USH2A: variants seen among roughly 807,000 people sequenced by gnomAD.
USH2A encodes the protein Usher syndrome 2A (autosomal recessive, mild).
USH2A carries 443 observed loss-of-function variants against 538.9 expected under a neutral mutation model. The observed-to-expected ratio is 0.82, with a 90% CI of 0.76 to 0.89. The LOEUF (loss-of-function observed/expected upper bound fraction) is 0.89. USH2A is among the 40% of genes least tolerant of loss of function. The pLI is 0.00. For missense variants in USH2A, 6,633 were observed against 6,324.8 expected (o/e 1.05, Z -1.65); for synonymous variants, 2,413 against 2,273.5 (o/e 1.06, Z -1.75).
intron 22 of USH2A, among the ~76,000 whole-genome samples, chr1:216,092,471 A>C (rs1452424882): frequency 2.6e-5 from 4 of 152,246 alleles, no homozygotes; most frequent in African/African-American, 9.6e-5. Flanking sequence ...CATATGAAAT[A>C]AACTTCTATA....
intron 34 of USH2A, among the ~76,000 whole-genome samples, chr1:215,997,074 T>C (rs1435339736): frequency 6.6e-6 from 1 of 152,154 alleles, no homozygotes; most frequent in Non-Finnish European, 1.5e-5. Flanking sequence ...AGTTATTATA[T>C]TGAAACTGTG....
At chr1:216,139,690 T>C (rs1162724869) in intron 21 of USH2A, among the ~76,000 whole-genome samples, 1 of 152,230 alleles carries the variant, frequency 6.6e-6, no homozygotes, top group African/African-American at 2.4e-5. Context: ...AGATTTTTGA[T>C]GATATGATCC....
intron 70 of USH2A, among the ~76,000 whole-genome samples, chr1:215,630,496 A>G (rs1021019782): frequency 1.9e-4 from 11 of 57,450 alleles, no homozygotes; most frequent in African/African-American, 2.6e-4. Flanking sequence ...ATATATATAT[A>G]TATATATATA....
At chr1:215,980,373 A>G (rs1356351255) in intron 35 of USH2A, among the ~76,000 whole-genome samples, 2 of 152,184 alleles carry the variant, frequency 1.3e-5, no homozygotes, top group East Asian at 3.9e-4. Context: ...TTCAGACTCT[A>G]CAGTGCATAC....
chr1:216,247,989 T>C (rs2036086236), intron 12 of USH2A, among the ~76,000 whole-genome samples: 1 of 152,264 alleles, frequency 6.6e-6, no homozygotes, highest in Non-Finnish European at 1.5e-5. Flanking sequence ...TATTTCTGAA[T>C]CCACACATTT....
intron 21 of USH2A, among the ~76,000 whole-genome samples, chr1:216,144,535 T>G (rs1384544212): frequency 1.3e-5 from 2 of 152,244 alleles, no homozygotes; most frequent in East Asian, 3.9e-4. Flanking sequence ...TATTGGAAAT[T>G]TATATATAAT....
chr1:215,929,292 T>TGAGAG (rs1464057651), intron 38 of USH2A, among the ~76,000 whole-genome samples: 6 of 152,074 alleles, frequency 3.9e-5, no homozygotes, highest in Non-Finnish European at 5.9e-5. Context: ...AGATGACCAA[T>TGAGAG]GAGAGCTTGA....
At position 215,674,617 on chromosome 1, in the gene USH2A, TA is replaced by T. The variant is rs1267110329; in HGVS notation, c.13293del (p.Ser4432ValfsTer29). 6.2e-7 allele frequency: 1 copy of T among 1,614,148 alleles called. No individual in the cohort carries two copies. On this transcript the variant is annotated frameshift_variant, in exon 63 of 72. Transcript: ENST00000307340. LOFTEE classifies it high-confidence loss of function. ...ATTGTCCAGGCAGATTTTGACACAC[TA>T]GCTGTGCAACCTCCATTCGTGCAGG... is the stretch of plus-strand genomic sequence containing the variant. Reference protein sequence around the residue: ...LVACTNGGCTASVSKSAWTME... With the variant: ...LVACTNGGCTXSVSKSAWTME...
At chr1:215,657,499 GTCTA>G (rs1657297977) in intron 64 of USH2A, among the ~76,000 whole-genome samples, 1 of 152,024 alleles carries the variant, frequency 6.6e-6, no homozygotes, top group South Asian at 2.1e-4. Context: ...TTATTTAACT[GTCTA>G]TCTATCTGAT....
At chr1:215,828,264 C>T (rs191591591) in intron 47 of USH2A, among the ~76,000 whole-genome samples, 376 of 152,038 alleles carry the variant, frequency 2.5e-3, no homozygotes, top group Non-Finnish European at 3.9e-3. Context: ...CCAGCCTGGG[C>T]GACACAGTGA....
Position 216,411,815 on chromosome 1 carries a change from A to G in USH2A, c.651+6699T>C, listed in dbSNP as rs73102524. Among the ~76,000 whole-genome samples the G allele has an allele frequency of 9.2e-3, 1,397 of 152,302 alleles. 20 individuals are homozygous for G. Among genetic ancestry groups the G allele is most frequent in the East Asian group, 0.038 (197 of 5,168 alleles). ...ACTTGATTTCAGCTTTCTAGCCTCC[A>G]GAACTCTTCAACAATGAATTAACTG... On this transcript the variant is annotated intron_variant, in intron 3 of 71. Coordinates refer to ENST00000307340, the MANE Select transcript of USH2A (RefSeq NM_206933.4).
In USH2A at chr1:215,674,951, A is replaced by T; in HGVS notation, c.12960T>A (p.Asp4320Glu). ...AGGTGGAAAAAGGAAGAAGCTCTTCATCAGTGTAATTGAAAGTCACAGGAT... is the reference window on the plus strand; with the variant it reads ...AGGTGGAAAAAGGAAGAAGCTCTTCTTCAGTGTAATTGAAAGTCACAGGAT... ...SFDPVTFNYT[D>E]EELLPFSTYS... Residue 4320 changes from aspartate to glutamate, a missense_variant, in exon 63 of 72, where the codon GAT becomes GAA. Physicochemically the swap from Asp to Glu is conservative, Grantham distance 45 (BLOSUM62 2). Transcript: ENST00000307340. 1 of 1,614,232 alleles carries T rather than the reference A, an allele frequency of 6.2e-7. No individual in the cohort carries two copies. The highest frequency in any genetic ancestry group is 8.5e-7 in the Non-Finnish European group (1 of 1,180,034).
rs191799764 is a variant in USH2A at position 216,416,740 on chromosome 1, T to C, written c.651+1774A>G. Among the ~76,000 whole-genome samples the C allele has an allele frequency of 2.9e-4, 44 of 152,280 alleles. No homozygotes were observed. In the East Asian group the frequency reaches 8.3e-3, roughly 29 times the overall value. Reference sequence around the variant, plus strand: ...CGCTCTGCATTTAGATTTTAAACTTTCTTTGTGAAGCTTTTAATGTACTAC... The same window carrying C: ...CGCTCTGCATTTAGATTTTAAACTTCCTTTGTGAAGCTTTTAATGTACTAC... On this transcript the variant is annotated intron_variant, in intron 3 of 71. Transcript: ENST00000307340.
At position 215,628,748 on chromosome 1, in the gene USH2A, G is replaced by A; in HGVS notation, c.15519+66C>T. The A allele has an allele frequency of 4.6e-6, 7 of 1,535,146 alleles. No individual in the cohort carries two copies. In the South Asian group the frequency reaches 7.9e-5, roughly 17 times the overall value. ...TGGGGCAGCATTCGGTGAAGTACAG[G>A]CAGCTCTGTACCAATATTTTTTCTG... On this transcript the variant is annotated intron_variant, in intron 71 of 71. Coordinates refer to ENST00000307340, the MANE Select transcript of USH2A (RefSeq NM_206933.4).
At chr1:215,794,888 G>T (rs1251611852) in intron 50 of USH2A, among the ~76,000 whole-genome samples, 1 of 152,180 alleles carries the variant, frequency 6.6e-6, no homozygotes, top group Non-Finnish European at 1.5e-5. Context: ...TATATTCCAT[G>T]CACTATTATT....
At chr1:216,130,316 C>T (rs955432484) in intron 21 of USH2A, among the ~76,000 whole-genome samples, 1 of 149,326 alleles carries the variant, frequency 6.7e-6, no homozygotes, top group African/African-American at 2.4e-5. Flanking sequence ...GCCTTCCCAC[C>T]CTTTCCCCCT....
At chr1:216,091,060 C>T (rs2032289863) in intron 22 of USH2A, among the ~76,000 whole-genome samples, 1 of 152,132 alleles carries the variant, frequency 6.6e-6, no homozygotes, top group Admixed American at 6.5e-5. Context: ...CCTACAGCCT[C>T]AGCATGACAA....
At chr1:216,130,570 TATATA>T (rs1250526488) in intron 21 of USH2A, among the ~76,000 whole-genome samples, 3 of 145,738 alleles carry the variant, frequency 2.1e-5, no homozygotes, top group Admixed American at 7.0e-5. Flanking sequence ...TTATATATAA[TATATA>T]ATATATAATA....
chr1:216,129,327 C>T (rs960544151), intron 21 of USH2A, among the ~76,000 whole-genome samples: 1 of 151,942 alleles, frequency 6.6e-6, no homozygotes, highest in African/African-American at 2.4e-5. Context: ...GGAACTTCTG[C>T]ACTGTTCTTC....
Sources: gnomAD v4.1 joint callset for allele counts (sites outside exome capture counted in the v4.1 genomes callset) on GRCh38, gnomAD v4.1.1 for gene constraint, MANE v1.5 for transcripts, NCBI Gene and HGNC (gene_info 2026-07-23, HGNC 2026-07-21) for gene names.